WIPF3: variants seen among roughly 807,000 people sequenced by gnomAD.
WIPF3 encodes the protein WAS/WASL interacting protein family member 3, also known as WAS/WASL-interacting protein family member 3.
WIPF3 carries 33 observed loss-of-function variants against 38.9 expected under a neutral mutation model. The observed-to-expected ratio is 0.85, with a 90% confidence interval of 0.64 to 1.14. The LOEUF is 1.14. Among genes scored for constraint, WIPF3 ranks in the 50% most tolerant of loss-of-function variants. The probability of loss-of-function intolerance (pLI) is 0.00; values close to 1 mark genes in which losing one functional copy is unlikely to be tolerated. For missense variants in WIPF3, 711 were observed against 652.5 expected, an observed-to-expected ratio of 1.09 and a Z score of -0.98; for synonymous variants, 324 against 269.3, an observed-to-expected ratio of 1.20 and a Z score of -1.99.
At chr7:29,821,726 C>A (rs1784539592) in intron 1 of WIPF3, among the ~76,000 whole-genome samples, 2 of 152,188 alleles carry the variant, frequency 1.3e-5, no homozygotes, top group South Asian at 4.1e-4. Context: ...TTATCTTTTT[C>A]ATTTGTCTTC....
At chr7:29,904,179 T>C in intron 7 of WIPF3, 107 bp from the exon 8 acceptor site, 2 of 1,039,856 alleles carry the variant, frequency 1.9e-6, no homozygotes, top group South Asian at 1.4e-5. Flanking sequence ...GCCAGGATCC[T>C]GAAGGTTTCA....
chr7:29,907,171 A>G (rs2128081361), intron 8 of WIPF3, among the ~76,000 whole-genome samples: 1 of 152,364 alleles, frequency 6.6e-6, no homozygotes, highest in South Asian at 2.1e-4. Context: ...TTTGTTTTCT[A>G]CATGATTTAA....
At chr7:29,887,075 C>T (rs1176253420) in intron 5 of WIPF3, among the ~76,000 whole-genome samples, 2 of 152,198 alleles carry the variant, frequency 1.3e-5, no homozygotes, top group Non-Finnish European at 2.9e-5. Flanking sequence ...ACGAGGATGG[C>T]GGCTGATGAC....
intron 8 of WIPF3, among the ~76,000 whole-genome samples, chr7:29,912,023 C>T (rs986535315): frequency 2.0e-5 from 3 of 152,084 alleles, no homozygotes; most frequent in Non-Finnish European, 4.4e-5. Flanking sequence ...ATTTTCATAT[C>T]GTGTATCTGA....
chr7:29,813,009 A>G (rs1784403187), intron 1 of WIPF3, among the ~76,000 whole-genome samples: 1 of 152,196 alleles, frequency 6.6e-6, no homozygotes, highest in African/African-American at 2.4e-5. Context: ...CAAACTCAAA[A>G]TGTTTCGAAT....
intron 2 of WIPF3, among the ~76,000 whole-genome samples, chr7:29,871,634 G>C (rs2128072563): frequency 6.6e-6 from 1 of 152,302 alleles, no homozygotes; most frequent in Middle Eastern, 3.4e-3. Context: ...TCAAAGTTTT[G>C]ATCTGGGCTG....
chr7:29,889,244 A>G, intron 6 of WIPF3, 62 bp from the exon 7 acceptor site: 2 of 1,394,336 alleles, frequency 1.4e-6, no homozygotes, highest in Non-Finnish European at 2.0e-6. Context: ...GCTCCTGGAA[A>G]TGATCAAAAC....
At chr7:29,833,047 A>G (rs528813913) in intron 1 of WIPF3, among the ~76,000 whole-genome samples, 1 of 152,366 alleles carries the variant, frequency 6.6e-6, no homozygotes, top group East Asian at 1.9e-4. Flanking sequence ...ATTATGCTAA[A>G]TGAAATAAGC....
At position 29,884,569 on chromosome 7, in the gene WIPF3, CAGA is replaced by C. The variant is rs747804139; in HGVS notation, c.1082_1084del (p.Lys361del). On this transcript the variant is annotated inframe_deletion, in exon 5 of 9. Transcript: ENST00000242140. ...CCCTCCGGGCTCCCAGCCGTTCCTG[CAGA>C]AGAAGAGGCATGGCCGACCAGGTAA... 135 of 1,604,722 alleles carry C rather than the reference CAGA, an allele frequency of 8.4e-5. No individual in the cohort carries two copies. The highest frequency in any genetic ancestry group is 1.0e-4 in the Non-Finnish European group (121 of 1,176,908).
In WIPF3 at chr7:29,875,811, C is replaced by T. The variant is rs768585092; in HGVS notation, c.91-19C>T. The stretch of plus-strand genomic sequence containing the variant: ...TCTGAAAATGCTACTATAGTCAAAT[C>T]CCTTTTACTCCCTTACAGGTAAGCA... On this transcript the variant is annotated intron_variant, in intron 2 of 8. Transcript: ENST00000242140. 2.5e-6 allele frequency: 4 copies of T among 1,607,502 alleles called. No homozygotes were observed. In the African/African-American group the frequency reaches 5.3e-5, roughly 21 times the overall value.
At chr7:29,843,882 C>T (rs1365280051) in intron 2 of WIPF3, among the ~76,000 whole-genome samples, 1 of 151,954 alleles carries the variant, frequency 6.6e-6, no homozygotes, top group East Asian at 2.0e-4. Flanking sequence ...AAGCTCTCAT[C>T]AGGTGGGGTG....
intron 1 of WIPF3, 39 bp from the exon 2 acceptor site, chr7:29,834,629 G>T (rs1784769600): frequency 1.4e-6 from 2 of 1,386,240 alleles, no homozygotes; most frequent in African/African-American, 3.0e-5. Flanking sequence ...TGTAAGTAAA[G>T]AAATCCAAGT....
chr7:29,875,375 A>G (rs1252956987), intron 2 of WIPF3, among the ~76,000 whole-genome samples: 1 of 152,178 alleles, frequency 6.6e-6, no homozygotes, highest in South Asian at 2.1e-4. Flanking sequence ...TCAGCAGAAC[A>G]GTCCAGGGGA....
intron 1 of WIPF3, among the ~76,000 whole-genome samples, chr7:29,810,068 G>A (rs1784346922): frequency 1.3e-5 from 2 of 152,142 alleles, no homozygotes; most frequent in African/African-American, 4.8e-5. Context: ...TCTGAGCAAG[G>A]TGCCCAGGTT....
At chr7:29,835,720 G>T (rs1784789032) in intron 2 of WIPF3, among the ~76,000 whole-genome samples, 1 of 152,166 alleles carries the variant, frequency 6.6e-6, no homozygotes, top group South Asian at 2.1e-4. Flanking sequence ...CTTCAGTGAG[G>T]GGCGTCTCGC....
intron 2 of WIPF3, among the ~76,000 whole-genome samples, chr7:29,843,423 T>C (rs1784946548): frequency 6.6e-6 from 1 of 152,150 alleles, no homozygotes; most frequent in African/African-American, 2.4e-5. Flanking sequence ...AGGGCCTTTG[T>C]TGAGTTTCAT....
chr7:29,848,130 G>A lies in WIPF3; in HGVS notation c.90+13316G>A, dbSNP rs567108619. 7.2e-5 allele frequency among the ~76,000 whole-genome samples: 11 copies of A among 152,206 alleles called. No individual in the cohort carries two copies. In the South Asian group the frequency reaches 1.7e-3, roughly 23 times the overall value. On this transcript the variant is annotated intron_variant, in intron 2 of 8. Transcript: ENST00000242140. ...CTCTTTTGCTGAGTTGAGTGGACTT[G>A]GGCCCACGGGTGTAGCAGGAGGTAC...
chr7:29,902,794 T>C (rs746830118), intron 7 of WIPF3, among the ~76,000 whole-genome samples: 10 of 150,928 alleles, frequency 6.6e-5, no homozygotes, highest in Non-Finnish European at 1.5e-4. Flanking sequence ...TGAGTTGAGA[T>C]AGCACCACTG....
intron 2 of WIPF3, among the ~76,000 whole-genome samples, chr7:29,851,271 A>G (rs1410793424): frequency 6.6e-6 from 1 of 152,176 alleles, no homozygotes; most frequent in African/African-American, 2.4e-5. Flanking sequence ...TGCAGAGCAG[A>G]ATGTGAAGCT....
Sources: gnomAD v4.1 joint callset for allele counts (sites outside exome capture counted in the v4.1 genomes callset) on GRCh38, gnomAD v4.1.1 for gene constraint, MANE v1.5 for transcripts, NCBI Gene and HGNC (gene_info 2026-07-23, HGNC 2026-07-21) for gene names.